Variants in CDH18 observed in about 807,000 individuals in gnomAD.
CDH18 encodes the protein cadherin-18.
CDH18 carries 31 observed loss-of-function variants against 67.9 expected under a neutral mutation model. That is an observed-to-expected ratio of 0.46 (90% CI 0.34 to 0.62). The LOEUF is 0.62. CDH18 is among the 20% of genes least tolerant of loss of function. The pLI is 0.01. For missense variants in CDH18, 890 were observed against 975.5 expected, an observed-to-expected ratio of 0.91 and a Z score of 1.17; for synonymous variants, 362 against 347.2, an observed-to-expected ratio of 1.04 and a Z score of -0.48.
At chr5:19,853,275 G>C (rs551583535) in intron 2 of CDH18, among the ~76,000 whole-genome samples, 1 of 151,944 alleles carries the variant, frequency 6.6e-6, no homozygotes, top group African/African-American at 2.4e-5. Context: ...GTATGTTCTC[G>C]GGCAGAGACA....
In CDH18 at chr5:19,811,488, CCTG is replaced by C. The variant is rs565942757; in HGVS notation, c.228+27268_228+27270del. Among the ~76,000 whole-genome samples, 896 of 152,204 alleles carry C rather than the reference CCTG, an allele frequency of 5.9e-3. 7 individuals are homozygous for C. The highest frequency in any genetic ancestry group is 0.024 in the Middle Eastern group (7 of 294). On this transcript the variant is annotated intron_variant, in intron 3 of 12. Transcript: ENST00000382275. The stretch of plus-strand genomic sequence containing the variant: ...GATCTTTCCCTTCGAAGGAACCAAT[CCTG>C]CTCACCTCATGATTTCAGACTTCCA...
intron 2 of CDH18, among the ~76,000 whole-genome samples, chr5:20,175,442 G>A (rs1464657836): frequency 1.3e-5 from 2 of 152,096 alleles, no homozygotes; most frequent in African/African-American, 2.4e-5. Flanking sequence ...TATGTCATAA[G>A]ACAATCATCA....
chr5:19,806,080 A>T (rs965664174), intron 3 of CDH18, among the ~76,000 whole-genome samples: 1 of 152,212 alleles, frequency 6.6e-6, no homozygotes, highest in Non-Finnish European at 1.5e-5. Context: ...AATGTGACAC[A>T]TTTAACCTTT....
chr5:20,332,561 T>C lies in CDH18; in HGVS notation c.-579-77056A>G, dbSNP rs181643226. On this transcript the variant is annotated intron_variant, in intron 1 of 14. Transcript: ENST00000507958. ...ATGCTATGGACAGGTTTTTGGACACTGTGACTTTAAGTGAAACAATGTATA... is the reference window on the plus strand; with the variant it reads ...ATGCTATGGACAGGTTTTTGGACACCGTGACTTTAAGTGAAACAATGTATA... Among the ~76,000 whole-genome samples, 167 of 152,328 alleles carry C rather than the reference T, an allele frequency of 1.1e-3. 2 individuals are homozygous for C. The highest frequency in any genetic ancestry group is 3.8e-3 in the African/African-American group (156 of 41,578).
At chr5:19,885,402 A>G (rs552403735) in intron 2 of CDH18, among the ~76,000 whole-genome samples, 71 of 152,334 alleles carry the variant, frequency 4.7e-4, no homozygotes, top group African/African-American at 1.7e-3. Flanking sequence ...CTAAAAAGGG[A>G]CAGTAAATCT....
intron 10 of CDH18, among the ~76,000 whole-genome samples, chr5:19,507,694 G>C (rs1488773479): frequency 6.6e-6 from 1 of 152,148 alleles, no homozygotes; most frequent in African/African-American, 2.4e-5. Context: ...TCATAGGTTG[G>C]AATTGAACAA....
At chr5:19,508,005 C>T (rs150569753) in intron 10 of CDH18, among the ~76,000 whole-genome samples, 80 of 151,220 alleles carry the variant, frequency 5.3e-4, no homozygotes, top group African/African-American at 1.4e-3. Flanking sequence ...TGAACTCTTA[C>T]AGAGTTGTTG....
Position 19,490,394 on chromosome 5 carries a change from G to GTTTTTTTTTTT in CDH18, c.1631-6853_1631-6843dup, listed in dbSNP as rs70950073. On this transcript the variant is annotated intron_variant, in intron 11 of 12. Coordinates refer to ENST00000382275, the MANE Select transcript of CDH18 (RefSeq NM_004934.5). Reference sequence around the variant, plus strand: ...TGATATATCACATATATAAAAATCTGTTTTTTTTTTTTTTTTTTTTTTTTT... The same window carrying GTTTTTTTTTTT: ...TGATATATCACATATATAAAAATCTGTTTTTTTTTTTTTTTTTTTTTTTTTTTTTTTTTTTT... Among the ~76,000 whole-genome samples, 70 of 60,200 alleles carry GTTTTTTTTTTT rather than the reference G, an allele frequency of 1.2e-3. 6 individuals are homozygous for GTTTTTTTTTTT. The highest frequency in any genetic ancestry group is 1.8e-3 in the African/African-American group (27 of 14,910). 39.5% of individuals were successfully genotyped at this position (60,200 alleles called of 152,430 possible). A position where few individuals can be genotyped will look rare whatever the true frequency, so the allele number is the denominator to read the frequency against.
intron 2 of CDH18, among the ~76,000 whole-genome samples, chr5:20,223,760 A>T (rs1474657199): frequency 6.6e-6 from 1 of 152,014 alleles, no homozygotes; most frequent in Non-Finnish European, 1.5e-5. Flanking sequence ...AGGATTTATA[A>T]AGGGTAGTTC....
chr5:19,535,471 C>T (rs896917789), intron 9 of CDH18, among the ~76,000 whole-genome samples: 4 of 151,984 alleles, frequency 2.6e-5, no homozygotes, highest in Non-Finnish European at 4.4e-5. Flanking sequence ...ATACTCACTC[C>T]GAGGTGACGG....
chr5:20,495,731 CA>C (rs1753866446), intron 1 of CDH18, among the ~76,000 whole-genome samples: 1 of 151,724 alleles, frequency 6.6e-6, no homozygotes, highest in South Asian at 2.1e-4. Context: ...AAAGAGATCT[CA>C]AAAAAAGACA....
At chr5:20,312,487 A>G (rs1344912980) in intron 1 of CDH18, among the ~76,000 whole-genome samples, 1 of 152,150 alleles carries the variant, frequency 6.6e-6, no homozygotes, top group Non-Finnish European at 1.5e-5. Context: ...CGGCATTTGG[A>G]TGAAGAAATG....
At chr5:19,782,990 G>A (rs1245361762) in intron 3 of CDH18, among the ~76,000 whole-genome samples, 1 of 152,134 alleles carries the variant, frequency 6.6e-6, no homozygotes, top group Non-Finnish European at 1.5e-5. Context: ...CTACCCTTGG[G>A]AGAAGTTTAA....
In CDH18 at chr5:20,256,527, G is replaced by C. The variant is rs147921144; in HGVS notation, c.-579-1022C>G. ...TGCCAAACATTATTATTTATACTAG[G>C]AATAAAACACATAACAAAAGAGACA... On this transcript the variant is annotated intron_variant, in intron 1 of 14. Coordinates refer to the CDH18 transcript ENST00000507958. Among the ~76,000 whole-genome samples the C allele has an allele frequency of 5.7e-4, 86 of 152,086 alleles. No individual in the cohort carries two copies. In the South Asian group the frequency reaches 0.016, roughly 28 times the overall value.
intron 1 of CDH18, among the ~76,000 whole-genome samples, chr5:20,391,706 C>T (rs1562026712): frequency 6.6e-6 from 1 of 151,986 alleles, no homozygotes; most frequent in Non-Finnish European, 1.5e-5. Context: ...AATAATTTCA[C>T]AATTTGGTCT....
chr5:20,261,592 T>G (rs535211273), intron 1 of CDH18, among the ~76,000 whole-genome samples: 1 of 151,886 alleles, frequency 6.6e-6, no homozygotes, highest in African/African-American at 2.4e-5. Flanking sequence ...TACAAAAAAA[T>G]TAGCCAGGCG....
intron 2 of CDH18, among the ~76,000 whole-genome samples, chr5:19,960,611 G>GTGTATATATATACACGTGTATA (rs1477416922): frequency 1.5e-5 from 2 of 131,540 alleles, no homozygotes; most frequent in East Asian, 4.3e-4. Flanking sequence ...ATACACACAC[G>GTGTATATATATACACGTGTATA]TGTATATATA....
chr5:19,838,778 T>A lies in CDH18; in HGVS notation c.209A>T (p.Asp70Val). The A allele has an allele frequency of 6.2e-7, 1 of 1,611,538 alleles. No homozygotes were observed. The highest frequency in any genetic ancestry group is 1.1e-5 in the South Asian group (1 of 91,032). ...FFVLEEHMGPDPQYVGKLHSN... is the reference protein window; with the variant it reads ...FFVLEEHMGPVPQYVGKLHSN... ...TCTTACCTTTCCAACATACTGAGGA[T>A]CTGGTCCCATATGTTCTTCTAAAAC... Residue 70 changes from aspartate to valine, a missense_variant, in exon 3 of 13, where the codon GAT becomes GTT. Physicochemically the swap from Asp to Val is radical, Grantham distance 152. Coordinates refer to ENST00000382275, the MANE Select transcript of CDH18 (RefSeq NM_004934.5).
chr5:20,261,622 T>C (rs1373570539), intron 1 of CDH18, among the ~76,000 whole-genome samples: 2 of 151,984 alleles, frequency 1.3e-5, no homozygotes, highest in Non-Finnish European at 1.5e-5. Flanking sequence ...GTGCCTGTAG[T>C]CCCAGCTACT....
Sources: gnomAD v4.1 joint callset for allele counts (sites outside exome capture counted in the v4.1 genomes callset) on GRCh38, gnomAD v4.1.1 for gene constraint, MANE v1.5 for transcripts, NCBI Gene and HGNC (gene_info 2026-07-23, HGNC 2026-07-21) for gene names.